The following C12orf42 variants were observed in gnomAD, a reference collection of about 807,000 sequenced individuals.
The protein encoded by C12orf42 is uncharacterized protein C12orf42.
A neutral mutation model predicts 21.6 loss-of-function variants in C12orf42; 25 were observed. The ratio of observed to expected loss-of-function variants is 1.16; its 90% CI spans 0.84 to 1.62. The LOEUF (loss-of-function observed/expected upper bound fraction) is 1.62. C12orf42 is among the 40% of genes most tolerant of loss of function. C12orf42 has a pLI of 0.00. For synonymous variants in C12orf42, 174 were observed against 175.0 expected, an observed-to-expected ratio of 0.99 and a Z score of 0.05; for missense variants, 483 against 459.3, an observed-to-expected ratio of 1.05 and a Z score of -0.47.
At chr12:103,550,037 C>T in the C12orf42 span, among the ~76,000 whole-genome samples, 1 of 152,106 alleles carries the variant, frequency 6.6e-6, no homozygotes, top group Non-Finnish European at 1.5e-5. Flanking sequence ...TCTAAGATAT[C>T]AGAGTTTTCT....
chr12:103,525,935 G>A, the C12orf42 span, among the ~76,000 whole-genome samples: 1 of 152,160 alleles, frequency 6.6e-6, no homozygotes, highest in African/African-American at 2.4e-5. Context: ...GCTGAGGCAG[G>A]AGAATTGCTT....
chr12:103,477,458 A>G (rs1954143971), intron 2 of C12orf42, among the ~76,000 whole-genome samples: 2 of 152,144 alleles, frequency 1.3e-5, no homozygotes, highest in Admixed American at 1.3e-4. Flanking sequence ...TCATGTCCTA[A>G]TGCCTAGAAC....
At chr12:103,338,701 G>A (rs1320642720) in intron 4 of C12orf42, among the ~76,000 whole-genome samples, 1 of 151,928 alleles carries the variant, frequency 6.6e-6, no homozygotes, top group Non-Finnish European at 1.5e-5. Context: ...CAGTTCCTGG[G>A]TCCCTGGCAC....
the C12orf42 span, among the ~76,000 whole-genome samples, chr12:103,062,471 T>C: frequency 2.0e-5 from 3 of 152,028 alleles, no homozygotes; most frequent in Admixed American, 6.5e-5. Flanking sequence ...TTTTATTTTC[T>C]TCTGGTTTCT....
At chr12:103,087,451 G>T in the C12orf42 span, among the ~76,000 whole-genome samples, 1 of 152,170 alleles carries the variant, frequency 6.6e-6, no homozygotes, top group African/African-American at 2.4e-5. Context: ...TAAACCTGGG[G>T]GATGTCACTG....
chr12:103,295,733 G>T lies in C12orf42; in HGVS notation n.338-18523C>A, dbSNP rs139987290. The stretch of plus-strand genomic sequence containing the variant: ...GATAATATACGTACTAATTATTGCT[G>T]ATATTAGTCATAAAATAATGATTTG... On this transcript the variant is annotated intron_variant and non_coding_transcript_variant, in intron 4 of 6. Coordinates refer to the C12orf42 transcript ENST00000546526. 1.3e-3 allele frequency among the ~76,000 whole-genome samples: 203 copies of T among 152,128 alleles called. 3 individuals carry two copies. The East Asian group carries it at 0.02, about 15-fold the overall frequency.
chr12:103,131,161 A>G, the C12orf42 span, among the ~76,000 whole-genome samples: 635 of 152,318 alleles, frequency 4.2e-3, 2 homozygotes, highest in African/African-American at 0.014. Flanking sequence ...GTGAAAGTGG[A>G]ACCTATGCCA....
chr12:103,192,265 G>A, the C12orf42 span, among the ~76,000 whole-genome samples: 94 of 152,170 alleles, frequency 6.2e-4, no homozygotes, highest in Non-Finnish European at 1.1e-3. Context: ...AGAACTTTGG[G>A]AGACTGAGGT....
intron 2 of C12orf42, among the ~76,000 whole-genome samples, chr12:103,459,602 A>G (rs1290987907): frequency 6.6e-6 from 1 of 152,206 alleles, no homozygotes; most frequent in Non-Finnish European, 1.5e-5. Flanking sequence ...AACACGAGCC[A>G]GTTAAACCTT....
chr12:103,169,787 T>TAAAAAA, the C12orf42 span, among the ~76,000 whole-genome samples: 73,893 of 151,180 alleles, frequency 0.49, 18,214 homozygotes, highest in East Asian at 0.66. Context: ...AAAATAAAAA[T>TAAAAAA]GATAGAGCAT....
At chr12:103,292,441 G>T (rs2036884097) in intron 4 of C12orf42, among the ~76,000 whole-genome samples, 1 of 151,802 alleles carries the variant, frequency 6.6e-6, no homozygotes, top group African/African-American at 2.4e-5. Context: ...AACCAAGCAA[G>T]AATAATAATC....
the C12orf42 span, among the ~76,000 whole-genome samples, chr12:103,141,373 T>C: frequency 6.6e-6 from 1 of 152,182 alleles, no homozygotes; most frequent in Non-Finnish European, 1.5e-5. Context: ...AACCAGCTAG[T>C]TGGCAAACAA....
chr12:103,273,431 A>G (rs1368304837), intron 5 of C12orf42, among the ~76,000 whole-genome samples: 1 of 152,174 alleles, frequency 6.6e-6, no homozygotes, highest in African/African-American at 2.4e-5. Context: ...TAAACACAGC[A>G]TTGTATATTG....
chr12:103,478,127 A>T, intron 2 of C12orf42: 1 of 437,138 alleles, frequency 2.3e-6, no homozygotes, highest in East Asian at 4.5e-5. Context: ...CCTAGCATAA[A>T]TGTAATGTGT....
downstream of C12orf42, among the ~76,000 whole-genome samples, chr12:103,299,464 T>C (rs1399528689): frequency 1.3e-5 from 2 of 152,136 alleles, no homozygotes; most frequent in African/African-American, 4.8e-5. Context: ...TATTTCTCAA[T>C]ATTTATTTTC....
At chr12:103,358,332 A>T (rs1394995726) in intron 4 of C12orf42, among the ~76,000 whole-genome samples, 1 of 152,076 alleles carries the variant, frequency 6.6e-6, no homozygotes, top group Non-Finnish European at 1.5e-5. Context: ...CATTTTACTT[A>T]ATCAAGTCCT....
chr12:103,520,553 A>G, the C12orf42 span, among the ~76,000 whole-genome samples: 1 of 151,624 alleles, frequency 6.6e-6, no homozygotes, highest in Non-Finnish European at 1.5e-5. Context: ...AACAACAACA[A>G]CAAATCTTTT....
intron 3 of C12orf42, among the ~76,000 whole-genome samples, chr12:103,384,277 C>T (rs924240267): frequency 1.3e-5 from 2 of 152,076 alleles, no homozygotes; most frequent in Non-Finnish European, 2.9e-5. Flanking sequence ...GGGGGGTGCT[C>T]CTGACCCTAG....
the C12orf42 span, among the ~76,000 whole-genome samples, chr12:103,174,644 C>T: frequency 3.3e-5 from 5 of 151,900 alleles, no homozygotes; most frequent in Non-Finnish European, 7.4e-5. Flanking sequence ...CAGCAATCTT[C>T]AAATGTTTAA....
Sources: allele counts gnomAD v4.1 joint callset (sites outside exome capture counted in the v4.1 genomes callset), GRCh38; gene constraint gnomAD v4.1.1; transcripts MANE v1.5; gene names NCBI Gene and HGNC (gene_info 2026-07-23, HGNC 2026-07-21).